The following DENND1A variants were observed in gnomAD, a reference collection of about 807,000 sequenced individuals.
The protein encoded by DENND1A is DENN domain containing 1A.
Under a neutral mutation model 113.7 loss-of-function variants are expected in DENND1A, and 51 were observed. That is an observed-to-expected ratio of 0.45 (90% CI 0.36 to 0.57). The LOEUF is 0.57. DENND1A is among the 20% of genes least tolerant of loss of function. The pLI is 0.00. For synonymous variants in DENND1A, 565 were observed against 570.8 expected, an observed-to-expected ratio of 0.99 and a Z score of 0.14; for missense variants, 1,258 against 1,395.9, an observed-to-expected ratio of 0.90 and a Z score of 1.57.
At chr9:123,833,932 T>G (rs1474498613) in intron 2 of DENND1A, among the ~76,000 whole-genome samples, 1 of 152,106 alleles carries the variant, frequency 6.6e-6, no homozygotes, top group Non-Finnish European at 1.5e-5. Context: ...GGCACATGCT[T>G]GTAGTCCCAG....
At chr9:123,664,967 A>G (rs1320840417) in intron 8 of DENND1A, among the ~76,000 whole-genome samples, 1 of 152,156 alleles carries the variant, frequency 6.6e-6, no homozygotes, top group African/African-American at 2.4e-5. Context: ...TCCACTGTCT[A>G]TACTGAATTG....
intron 8 of DENND1A, among the ~76,000 whole-genome samples, chr9:123,659,817 T>A (rs904295232): frequency 2.0e-5 from 3 of 152,174 alleles, no homozygotes; most frequent in African/African-American, 7.2e-5. Context: ...TTGTTTCAAT[T>A]TGCAATGCAG....
intron 13 of DENND1A, among the ~76,000 whole-genome samples, chr9:123,537,291 C>A (rs982842893): frequency 6.6e-6 from 1 of 151,630 alleles, no homozygotes; most frequent in African/African-American, 2.4e-5. Context: ...AATATAAGAA[C>A]AAATCAACTC....
chr9:123,443,376 A>C (rs1191322192), intron 18 of DENND1A, among the ~76,000 whole-genome samples: 1 of 152,204 alleles, frequency 6.6e-6, no homozygotes, highest in Non-Finnish European at 1.5e-5. Flanking sequence ...GGGTTCTCTA[A>C]CCTAGAGCCT....
Position 123,896,595 on chromosome 9 carries a change from T to C in DENND1A, c.18-17574A>G, listed in dbSNP as rs78733906. Reference sequence around the variant, plus strand: ...CTTCAGACTTCAGGTATTAGAATTATGGGAGACAGAATATGGAATATTTAA... The same window carrying C: ...CTTCAGACTTCAGGTATTAGAATTACGGGAGACAGAATATGGAATATTTAA... On this transcript the variant is annotated intron_variant, in intron 1 of 23. Transcript: ENST00000394215. 1.2e-3 allele frequency among the ~76,000 whole-genome samples: 181 copies of C among 152,184 alleles called. 2 individuals are homozygous for C. The East Asian group carries it at 0.032, about 27-fold the overall frequency.
intron 21 of DENND1A, among the ~76,000 whole-genome samples, chr9:123,397,832 C>T (rs752071637): frequency 3.2e-4 from 49 of 152,180 alleles, no homozygotes; most frequent in Non-Finnish European, 4.9e-4. Context: ...AGATTTTGCA[C>T]GGATCTGGCC....
In DENND1A at chr9:123,656,966, T is replaced by C. The variant is rs541835911; in HGVS notation, c.508-4843A>G. On this transcript the variant is annotated intron_variant, in intron 8 of 23. Coordinates refer to ENST00000394215, the MANE Select transcript of DENND1A (RefSeq NM_001352964.2). The stretch of plus-strand genomic sequence containing the variant: ...AGTTACACATACATTTATGTCCCCA[T>C]GAGCATGTGCCTCTCCACCTAGCAT... Among the ~76,000 whole-genome samples the C allele has an allele frequency of 4.6e-5, 7 of 152,314 alleles. No individual in the cohort carries two copies. The South Asian group carries it at 1.2e-3, about 27-fold the overall frequency.
At chr9:123,604,309 A>G (rs1401530881) in intron 11 of DENND1A, among the ~76,000 whole-genome samples, 2 of 152,194 alleles carry the variant, frequency 1.3e-5, no homozygotes, top group East Asian at 3.8e-4. Flanking sequence ...TCTGAGAAGC[A>G]TTATTCTCAA....
chr9:123,457,749 C>G (rs763013463), intron 14 of DENND1A, 44 bp downstream of exon 14: 21 of 1,543,180 alleles, frequency 1.4e-5, no homozygotes, highest in Admixed American at 9.5e-5. Context: ...TGCAGAAATC[C>G]CCGCCAGGGA....
At chr9:123,726,088 C>G (rs1371613485) in intron 5 of DENND1A, among the ~76,000 whole-genome samples, 1 of 152,192 alleles carries the variant, frequency 6.6e-6, no homozygotes, top group East Asian at 1.9e-4. Flanking sequence ...ATACATCCAT[C>G]TCTATTAATG....
Position 123,929,743 on chromosome 9 carries a change from CCGTCCCCCTCCCCGCGTGCCGG to C in DENND1A, c.17+124_17+145del, listed in dbSNP as rs1304467689. The C allele has an allele frequency of 6.1e-4, 100 of 164,732 alleles. 1 individual carries two copies. Among genetic ancestry groups the C allele is most frequent in the Middle Eastern group, 5.9e-3 (2 of 340 alleles). The allele number at this position is 164,732 out of a possible 1,614,324, so 10.2% of individuals were successfully genotyped here. A position where few individuals can be genotyped will look rare whatever the true frequency, so the allele number is the denominator to read the frequency against. On this transcript the variant is annotated intron_variant, in intron 1 of 23. Transcript: ENST00000394215. ...GCGCCTCCCTGGATCGCCATAGCAA[CCGTCCCCCTCCCCGCGTGCCGG>C]CGTCACGCGGGGCGCCCCTCTGGTC...
intron 2 of DENND1A, among the ~76,000 whole-genome samples, chr9:123,869,686 T>C (rs1846240478): frequency 6.6e-6 from 1 of 152,172 alleles, no homozygotes; most frequent in Non-Finnish European, 1.5e-5. Flanking sequence ...AGTGGCAATT[T>C]GTCCCAACTA....
Position 123,652,138 on chromosome 9 carries a change from AAGG to A in DENND1A, c.508-18_508-16del. The A allele has an allele frequency of 6.2e-7, 1 of 1,608,186 alleles. No homozygotes were observed. Among genetic ancestry groups the A allele is most frequent in the Non-Finnish European group, 8.5e-7 (1 of 1,174,686 alleles). On this transcript the variant is annotated splice_polypyrimidine_tract_variant and intron_variant, in intron 8 of 23. Transcript: ENST00000394215. ...GTCAGATTTCTCTAGGAGAAAGAAG[AAGG>A]CACGGTTTGTGGCTGATTTTCTTTG...
At chr9:123,591,586 T>C (rs530548098) in intron 11 of DENND1A, among the ~76,000 whole-genome samples, 140 of 152,314 alleles carry the variant, frequency 9.2e-4, no homozygotes, top group African/African-American at 3.2e-3. Context: ...ACTGAGTGAA[T>C]CTTTTCTGCT....
intron 3 of DENND1A, among the ~76,000 whole-genome samples, chr9:123,782,376 T>A (rs1003563423): frequency 6.6e-6 from 1 of 152,226 alleles, no homozygotes; most frequent in African/African-American, 2.4e-5. Flanking sequence ...TGGTTAAGCC[T>A]CTCTAGGTAA....
chr9:123,594,519 C>T (rs1306252920), intron 11 of DENND1A, among the ~76,000 whole-genome samples: 1 of 151,628 alleles, frequency 6.6e-6, no homozygotes, highest in Non-Finnish European at 1.5e-5. Flanking sequence ...TTGTTTCAAT[C>T]AACAAACATA....
chr9:123,923,095 G>C (rs1031009982), intron 1 of DENND1A, among the ~76,000 whole-genome samples: 2 of 152,174 alleles, frequency 1.3e-5, no homozygotes, highest in Admixed American at 1.3e-4. Flanking sequence ...AAAAAGGCTG[G>C]ACCTTTGCAA....
Position 123,690,634 on chromosome 9 carries a change from T to A in DENND1A, c.303-13845A>T, listed in dbSNP as rs1481307076. On this transcript the variant is annotated intron_variant, in intron 5 of 23. Coordinates refer to ENST00000394215, the MANE Select transcript of DENND1A (RefSeq NM_001352964.2). The stretch of plus-strand genomic sequence containing the variant: ...TTCTCCAAACTTTCTACAGTCTACA[T>A]GTATTATTTTATTAACTGTTAACAA... 2.0e-5 allele frequency among the ~76,000 whole-genome samples: 3 copies of A among 152,248 alleles called. 1 individual carries two copies. The East Asian group carries it at 5.8e-4, about 29-fold the overall frequency.
At chr9:123,699,442 T>C (rs1026666151) in intron 5 of DENND1A, among the ~76,000 whole-genome samples, 3 of 152,102 alleles carry the variant, frequency 2.0e-5, no homozygotes, top group Admixed American at 1.3e-4. Context: ...ACAATATCTA[T>C]CTTTGGATGA....
Sources: allele counts gnomAD v4.1 joint callset (sites outside exome capture counted in the v4.1 genomes callset), GRCh38; gene constraint gnomAD v4.1.1; transcripts MANE v1.5; gene names NCBI Gene and HGNC (gene_info 2026-07-23, HGNC 2026-07-21).